Variants in MYLK observed in about 807,000 individuals in gnomAD.
MYLK encodes myosin light chain kinase, smooth muscle.
In MYLK, 106 loss-of-function variants were observed where a neutral mutation model predicts 203.4. The ratio of observed to expected loss-of-function variants is 0.52; its 90% confidence interval spans 0.45 to 0.61. The LOEUF (loss-of-function observed/expected upper bound fraction) is 0.61, where lower values mean the gene tolerates loss of function less well. Ranked by LOEUF, MYLK falls within the 20% of genes least tolerant of loss-of-function variation. MYLK has a pLI of 0.00. For synonymous variants in MYLK, 867 were observed against 959.5 expected (o/e 0.90, Z 1.78); for missense variants, 2,072 against 2,442.3 (o/e 0.85, Z 3.20).
intron 18 of MYLK, among the ~76,000 whole-genome samples, chr3:123,695,530 C>T (rs1029700530): frequency 1.3e-5 from 2 of 151,866 alleles, no homozygotes; most frequent in Non-Finnish European, 2.9e-5. Flanking sequence ...ATATAACTTA[C>T]TATTGAAAAA....
rs1060502536 is a variant in MYLK at position 123,640,311 on chromosome 3, C to T, written c.4813G>A (p.Asp1605Asn). 2 of 1,613,946 alleles carry T rather than the reference C, an allele frequency of 1.2e-6. No homozygotes were observed. Among genetic ancestry groups the T allele is most frequent in the Non-Finnish European group, 1.7e-6 (2 of 1,179,986 alleles). ...CCCAGCCTCCTGGCCAGACCAAAGT[C>T]GATGAGCTTGATCCTGGTGCCCGTC... Reference protein sequence around the residue: ...NKTGTRIKLIDFGLARRLENA... With the variant: ...NKTGTRIKLINFGLARRLENA... Residue 1605 changes from aspartate (D) to asparagine (N), a missense_variant, in exon 28 of 34, where the codon GAC (aspartate) becomes AAC (asparagine). This residue lies in a region of MYLK where 524 missense variants were observed against 782.4 expected (regional missense o/e 0.67). Coordinates refer to ENST00000360304, the MANE Select transcript of MYLK (RefSeq NM_053025.4). This position sits in a 1 kb window ranked among gnomAD's most constrained non-coding sequence, Gnocchi z 4.3.
In MYLK at chr3:123,708,965, G is replaced by T. The variant is rs780183222; in HGVS notation, c.1943-70C>A. On this transcript the variant is annotated intron_variant, in intron 14 of 33. Coordinates refer to ENST00000360304, the MANE Select transcript of MYLK (RefSeq NM_053025.4). ...CCCGGCCATGCAGCAACTCTGCGCTGAATGCAGTGATATTGGATGAAACAC... is the reference window on the plus strand; with the variant it reads ...CCCGGCCATGCAGCAACTCTGCGCTTAATGCAGTGATATTGGATGAAACAC... The T allele has an allele frequency of 6.8e-6, 9 of 1,323,656 alleles. No individual in the cohort carries two copies. The South Asian group carries it at 8.5e-5, about 13-fold the overall frequency. The allele number at this position is 1,323,656 out of a possible 1,614,324, so 82.0% of individuals were successfully genotyped here. A position where few individuals can be genotyped will look rare whatever the true frequency, so the allele number is the denominator to read the frequency against.
chr3:123,773,524 A>C (rs1342885931), intron 4 of MYLK, among the ~76,000 whole-genome samples: 2 of 152,256 alleles, frequency 1.3e-5, no homozygotes, highest in Non-Finnish European at 2.9e-5. Context: ...TCCCTTTGAA[A>C]TGAAAGAATA....
rs2033719532 is a variant in MYLK at position 123,884,260 on chromosome 3, C to G, written c.-240G>C. 1 of 148,914 alleles carries G rather than the reference C, an allele frequency of 6.7e-6. No individual in the cohort carries two copies. Among genetic ancestry groups the G allele is most frequent in the South Asian group, 2.1e-4 (1 of 4,814 alleles). 9.2% of individuals were successfully genotyped at this position (148,914 alleles called of 1,614,324 possible). ...GGCACCGGCGCTCGGCGGGGCGCCC[C>G]GGCCGCAGGCGCACAGCGCGGGCTC... On this transcript the variant is annotated 5_prime_UTR_variant, in exon 1 of 34. Coordinates refer to ENST00000360304, the MANE Select transcript of MYLK (RefSeq NM_053025.4).
chr3:123,859,306 G>A (rs549071283), intron 2 of MYLK, among the ~76,000 whole-genome samples: 1 of 152,362 alleles, frequency 6.6e-6, no homozygotes, highest in African/African-American at 2.4e-5. Context: ...GTCCCATGGT[G>A]AAAGTTTGGC....
At position 123,629,496 on chromosome 3, in the gene MYLK, T is replaced by G. The variant is rs1375643348; in HGVS notation, c.5092A>C (p.Asn1698His). The change falls in exon 30 of 34, where the codon AAT (asparagine) becomes CAT (histidine). Residue 1698 changes from asparagine (N) to histidine (H), a missense_variant. By Grantham distance (68) the Asn-to-His change is moderately conservative (BLOSUM62 1). Coordinates refer to ENST00000360304, the MANE Select transcript of MYLK (RefSeq NM_053025.4). The surrounding 1 kb of genome is among the most constrained non-coding windows in gnomAD (Gnocchi z 4.4). The stretch of plus-strand genomic sequence containing the variant: ...TACTTCATATCTTTCTTCAGCAGAT[T>G]GCTGATGAAATCCTTGGCATCGTCG... Reference protein sequence around the residue: ...ISDDAKDFISNLLKKDMKNRL... With the variant: ...ISDDAKDFISHLLKKDMKNRL... 1.9e-6 allele frequency: 3 copies of G among 1,614,188 alleles called. No homozygotes were observed. The highest frequency in any genetic ancestry group is 2.5e-6 in the Non-Finnish European group (3 of 1,180,046).
chr3:123,649,823 G>C (rs1390378852), intron 24 of MYLK, among the ~76,000 whole-genome samples: 47 of 152,228 alleles, frequency 3.1e-4, no homozygotes, highest in Admixed American at 3.1e-3. Context: ...ATACACAACA[G>C]AGGAGGGTGA....
intron 23 of MYLK, among the ~76,000 whole-genome samples, chr3:123,659,270 G>A (rs1249269850): frequency 6.6e-6 from 1 of 152,144 alleles, no homozygotes; most frequent in Non-Finnish European, 1.5e-5. Flanking sequence ...GGAGTTGTGT[G>A]GGCTTATAAA....
chr3:123,773,827 C>T (rs909333130), intron 4 of MYLK, among the ~76,000 whole-genome samples: 4 of 152,242 alleles, frequency 2.6e-5, no homozygotes, highest in Non-Finnish European at 4.4e-5. Context: ...ACCCCTGCCA[C>T]GAAAACGTTG....
chr3:123,664,652 G>A (rs1245852970), intron 22 of MYLK, among the ~76,000 whole-genome samples: 2 of 152,206 alleles, frequency 1.3e-5, no homozygotes, highest in South Asian at 2.1e-4. Flanking sequence ...GTCCAATGCT[G>A]TAGCCACTAG....
chr3:123,711,338 G>A (rs767391873), intron 13 of MYLK, among the ~76,000 whole-genome samples: 1 of 152,186 alleles, frequency 6.6e-6, no homozygotes, highest in African/African-American at 2.4e-5. Flanking sequence ...AACACCTTAA[G>A]TCTCCATAGT....
chr3:123,879,351 T>A (rs1324750018), intron 1 of MYLK, among the ~76,000 whole-genome samples: 1 of 152,122 alleles, frequency 6.6e-6, no homozygotes, highest in Non-Finnish European at 1.5e-5. Context: ...TCAAAGGTGT[T>A]GTGCCAGGGC....
intron 31 of MYLK, chr3:123,622,749 G>A (rs2107922636): frequency 6.6e-6 from 1 of 152,292 alleles, no homozygotes; most frequent in East Asian, 1.9e-4. Flanking sequence ...AAATTGCCGA[G>A]GAAGTTATTT....
chr3:123,860,339 C>A (rs1000301434), intron 2 of MYLK, among the ~76,000 whole-genome samples: 5 of 152,230 alleles, frequency 3.3e-5, no homozygotes, highest in Non-Finnish European at 7.3e-5. Context: ...GGGTGGACAG[C>A]TGGCTGCTCG....
chr3:123,831,373 C>G (rs1450442908), intron 3 of MYLK, 175 bp downstream of exon 3: 1 of 1,289,122 alleles, frequency 7.8e-7, no homozygotes, highest in African/African-American at 1.5e-5. Context: ...GACAATGCTA[C>G]AGCATACTGC....
At chr3:123,849,781 A>G (rs1346271756) in intron 2 of MYLK, among the ~76,000 whole-genome samples, 1 of 152,020 alleles carries the variant, frequency 6.6e-6, no homozygotes, top group Non-Finnish European at 1.5e-5. Flanking sequence ...TCTAGGGTAC[A>G]TGTGCACAAC....
intron 3 of MYLK, among the ~76,000 whole-genome samples, chr3:123,822,201 G>T (rs2065960928): frequency 6.6e-6 from 1 of 152,114 alleles, no homozygotes; most frequent in Non-Finnish European, 1.5e-5. Flanking sequence ...AAATTACCTG[G>T]TTTGTGATAT....
chr3:123,775,943 T>C (rs913338811), intron 4 of MYLK, among the ~76,000 whole-genome samples: 2 of 152,220 alleles, frequency 1.3e-5, no homozygotes, highest in African/African-American at 2.4e-5. Context: ...AGCCCTAGGC[T>C]GTCTTGATCT....
intron 3 of MYLK, among the ~76,000 whole-genome samples, chr3:123,794,503 T>C (rs530213067): frequency 2.0e-5 from 3 of 152,282 alleles, no homozygotes; most frequent in Admixed American, 6.5e-5. Context: ...GTTTTCAGAT[T>C]ACCCAGGCTA....
Sources: allele counts gnomAD v4.1 joint callset (sites outside exome capture counted in the v4.1 genomes callset), GRCh38; gene constraint gnomAD v4.1.1; regional missense constraint gnomAD v4.1.1; non-coding constraint Gnocchi (gnomAD v3.1); transcripts MANE v1.5; gene names NCBI Gene and HGNC (gene_info 2026-07-23, HGNC 2026-07-21).